The following ARHGAP32 variants were observed in gnomAD, a reference collection of about 807,000 sequenced individuals.
The protein encoded by ARHGAP32 is rho GTPase-activating protein 32.
Under a neutral mutation model 186.5 loss-of-function variants are expected in ARHGAP32, and 51 were observed. The ratio of observed to expected loss-of-function variants is 0.27; its 90% confidence interval spans 0.22 to 0.35. The LOEUF (loss-of-function observed/expected upper bound fraction) is 0.35. Among genes scored for constraint, ARHGAP32 ranks in the 10% least tolerant of loss-of-function variants. The pLI is 1.00. For missense variants in ARHGAP32, 2,186 were observed against 2,623.5 expected (o/e 0.83, Z 3.64); for synonymous variants, 950 against 964.3 (o/e 0.99, Z 0.27).
chr11:129,065,684 G>A (rs942537312), intron 7 of ARHGAP32, among the ~76,000 whole-genome samples: 1 of 152,096 alleles, frequency 6.6e-6, no homozygotes, highest in African/African-American at 2.4e-5. Context: ...AGCACTTAAT[G>A]AACCCACTGA....
intron 17 of ARHGAP32, 110 bp from the exon 18 acceptor site, chr11:128,980,858 C>A: frequency 1.8e-5 from 15 of 849,866 alleles, no homozygotes; most frequent in Non-Finnish European, 2.7e-5. Context: ...AAATTTTCTT[C>A]AAGTATGTTA....
At chr11:129,037,918 T>A (rs1450949457) in intron 11 of ARHGAP32, among the ~76,000 whole-genome samples, 1 of 151,678 alleles carries the variant, frequency 6.6e-6, no homozygotes, top group African/African-American at 2.4e-5. Flanking sequence ...CTGGCCAACA[T>A]GATGAAACCC....
chr11:129,041,446 A>C (rs1939588261), intron 10 of ARHGAP32, among the ~76,000 whole-genome samples: 1 of 151,744 alleles, frequency 6.6e-6, no homozygotes, highest in Non-Finnish European at 1.5e-5. Flanking sequence ...CTAAGCCACA[A>C]CTCAAACTTT....
intron 1 of ARHGAP32, among the ~76,000 whole-genome samples, chr11:129,237,040 G>A (rs533440362): frequency 6.6e-6 from 1 of 152,190 alleles, no homozygotes; most frequent in South Asian, 2.1e-4. Flanking sequence ...TGCTTATGTG[G>A]TGTACCACAA....
At chr11:129,067,916 C>T (rs191010414) in intron 6 of ARHGAP32, among the ~76,000 whole-genome samples, 15 of 152,102 alleles carry the variant, frequency 9.9e-5, no homozygotes, top group Non-Finnish European at 1.9e-4. Flanking sequence ...TAATCCTCCA[C>T]GACATAGACA....
intron 21 of ARHGAP32, 78 bp from the exon 22 acceptor site, chr11:128,973,510 A>G: frequency 6.8e-7 from 1 of 1,470,920 alleles, no homozygotes. Flanking sequence ...AACACTCCCC[A>G]TGTGATCATT....
intron 18 of ARHGAP32, among the ~76,000 whole-genome samples, chr11:128,979,148 T>TCA (rs1945637407): frequency 6.6e-6 from 1 of 152,198 alleles, no homozygotes; most frequent in South Asian, 2.1e-4. Flanking sequence ...AAGATCATTT[T>TCA]TATATATATC....
At chr11:129,145,580 T>C (rs1411389426) in intron 2 of ARHGAP32, among the ~76,000 whole-genome samples, 2 of 152,100 alleles carry the variant, frequency 1.3e-5, no homozygotes, top group Non-Finnish European at 2.9e-5. Flanking sequence ...CAACAAATCA[T>C]ATCAGTAAAA....
Position 129,200,218 on chromosome 11 carries a change from T to G in ARHGAP32, c.-4-35791A>C, listed in dbSNP as rs558711464. On this transcript the variant is annotated intron_variant, in intron 1 of 6. Coordinates refer to the ARHGAP32 transcript ENST00000525234. Reference sequence around the variant, plus strand: ...GGACTGTGGACTTTTGAGTTAATGATGAAATGAGTTAAGACATTGGGGGAC... The same window carrying G: ...GGACTGTGGACTTTTGAGTTAATGAGGAAATGAGTTAAGACATTGGGGGAC... Among the ~76,000 whole-genome samples, 22 of 152,264 alleles carry G rather than the reference T, an allele frequency of 1.4e-4. No individual in the cohort carries two copies. The South Asian group carries it at 4.6e-3, about 32-fold the overall frequency.
chr11:129,005,360 A>C (rs1032155452), intron 11 of ARHGAP32, among the ~76,000 whole-genome samples: 1 of 152,146 alleles, frequency 6.6e-6, no homozygotes. Flanking sequence ...TTGTATCTTC[A>C]TATAATTTCT....
At chr11:129,053,439 G>C (rs1940133437) in intron 10 of ARHGAP32, among the ~76,000 whole-genome samples, 1 of 152,090 alleles carries the variant, frequency 6.6e-6, no homozygotes, top group African/African-American at 2.4e-5. Context: ...TAAAATGATA[G>C]TTTAGAACCA....
intron 6 of ARHGAP32, among the ~76,000 whole-genome samples, chr11:129,090,262 C>T (rs529602354): frequency 6.6e-6 from 1 of 152,156 alleles, no homozygotes; most frequent in Non-Finnish European, 1.5e-5. Context: ...TCAAGGAATG[C>T]ATTTTTGATG....
chr11:129,012,972 C>T (rs1284858579), intron 11 of ARHGAP32, among the ~76,000 whole-genome samples: 1 of 152,218 alleles, frequency 6.6e-6, no homozygotes, highest in Non-Finnish European at 1.5e-5. Flanking sequence ...AATAACACCT[C>T]ACTAGTCAAA....
At position 129,002,805 on chromosome 11, in the gene ARHGAP32, A is replaced by ATT. The variant is rs36036048; in HGVS notation, c.1046-4339_1046-4338dup. ...GGGGTTTTATCATGAAGGGATGTTG[A>ATT]TTTTTTTTTTTTTTTTTTTTTGAGA... is the stretch of plus-strand genomic sequence containing the variant. On this transcript the variant is annotated intron_variant, in intron 11 of 22. Transcript: ENST00000682385. Among the ~76,000 whole-genome samples, 974 of 108,078 alleles carry ATT rather than the reference A, an allele frequency of 9.0e-3. 27 individuals are homozygous for ATT. The highest frequency in any genetic ancestry group is 0.041 in the South Asian group (136 of 3,318). 70.9% of individuals were successfully genotyped at this position (108,078 alleles called of 152,430 possible). A position where few individuals can be genotyped will look rare whatever the true frequency, so the allele number is the denominator to read the frequency against.
chr11:129,159,716 T>A (rs146262032), intron 2 of ARHGAP32, among the ~76,000 whole-genome samples: 1 of 152,146 alleles, frequency 6.6e-6, no homozygotes, highest in Non-Finnish European at 1.5e-5. Flanking sequence ...CCCTAACTCA[T>A]TTCATGAGGC....
At chr11:128,978,401 T>C (rs988377607) in intron 19 of ARHGAP32, among the ~76,000 whole-genome samples, 1 of 152,166 alleles carries the variant, frequency 6.6e-6, no homozygotes, top group Non-Finnish European at 1.5e-5. Flanking sequence ...GTTATAAACT[T>C]GAAAGTTATG....
chr11:129,004,589 G>A (rs1364467572), intron 11 of ARHGAP32, among the ~76,000 whole-genome samples: 2 of 151,772 alleles, frequency 1.3e-5, no homozygotes, highest in African/African-American at 4.8e-5. Flanking sequence ...TATATCTTTT[G>A]GCTAAATTGA....
chr11:129,060,784 A>T (rs13377320), intron 10 of ARHGAP32, among the ~76,000 whole-genome samples: 5 of 150,172 alleles, frequency 3.3e-5, no homozygotes, highest in African/African-American at 1.2e-4. Flanking sequence ...GAATTCTTTA[A>T]ATTTAAAAAT....
chr11:129,268,245 G>T (rs1945430915), intron 1 of ARHGAP32, among the ~76,000 whole-genome samples: 1 of 152,188 alleles, frequency 6.6e-6, no homozygotes, highest in Admixed American at 6.5e-5. Flanking sequence ...GAAGATAAAA[G>T]AACTAGCCAT....
Sources: allele counts gnomAD v4.1 joint callset (sites outside exome capture counted in the v4.1 genomes callset), GRCh38; gene constraint gnomAD v4.1.1; transcripts MANE v1.5; gene names NCBI Gene and HGNC (gene_info 2026-07-23, HGNC 2026-07-21).